ASAH2: variants seen among roughly 807,000 people sequenced by gnomAD.
The protein encoded by ASAH2 is neutral ceramidase.
In ASAH2, 58 loss-of-function variants were observed where a neutral mutation model predicts 82.9. That is an observed-to-expected ratio of 0.70 (90% CI 0.57 to 0.87). ASAH2 has a LOEUF of 0.87. Among genes scored for constraint, ASAH2 ranks in the 40% least tolerant of loss-of-function variants. The pLI is 0.00. For missense variants in ASAH2, 779 were observed against 834.0 expected (o/e 0.93, Z 0.81); for synonymous variants, 276 against 289.7 (o/e 0.95, Z 0.48).
intron 7 of ASAH2, among the ~76,000 whole-genome samples, chr10:50,228,596 A>AT (rs895674466): frequency 2.6e-5 from 4 of 152,164 alleles, no homozygotes; most frequent in Non-Finnish European, 4.4e-5. Context: ...CACAAATAGG[A>AT]TTTTTTTAAC....
intron 7 of ASAH2, among the ~76,000 whole-genome samples, chr10:50,232,396 A>G (rs1378209749): frequency 2.0e-5 from 3 of 152,104 alleles, no homozygotes; most frequent in African/African-American, 7.2e-5. Context: ...TAATAAGGAC[A>G]AGAGCCCAGA....
intron 16 of ASAH2, among the ~76,000 whole-genome samples, chr10:50,202,157 T>A (rs896011341): frequency 6.6e-6 from 1 of 152,206 alleles, no homozygotes; most frequent in African/African-American, 2.4e-5. Context: ...CTACTCTTAG[T>A]ATCACTGAAT....
chr10:50,203,047 T>A lies in ASAH2; in HGVS notation c.1666-123A>T, dbSNP rs926037256. ...GTTTAAGATATTTTTCTTAATAAAA[T>A]TTTTCTAACTCTGCACTACAGTTGG... On this transcript the variant is annotated intron_variant, in intron 15 of 20. Coordinates refer to ENST00000682911, the MANE Select transcript of ASAH2 (RefSeq NM_019893.4). 1.8e-3 allele frequency: 1,347 copies of A among 739,726 alleles called. 11 individuals are homozygous for A. In the African/African-American group the frequency reaches 0.021, roughly 11 times the overall value. 45.8% of individuals were successfully genotyped at this position (739,726 alleles called of 1,614,324 possible). A position where few individuals can be genotyped will look rare whatever the true frequency, so the allele number is the denominator to read the frequency against.
At chr10:50,223,583 T>A (rs1376426841) in intron 7 of ASAH2, among the ~76,000 whole-genome samples, 1 of 152,124 alleles carries the variant, frequency 6.6e-6, no homozygotes, top group African/African-American at 2.4e-5. Context: ...CATAGCAACA[T>A]GGGAGCTCTT....
At chr10:50,224,224 G>C (rs1845820417) in intron 7 of ASAH2, among the ~76,000 whole-genome samples, 1 of 152,012 alleles carries the variant, frequency 6.6e-6, no homozygotes, top group Non-Finnish European at 1.5e-5. Flanking sequence ...ATACATGTGA[G>C]GTGCTTAGCA....
At chr10:50,201,557 C>A (rs1384847893) in intron 16 of ASAH2, among the ~76,000 whole-genome samples, 1 of 152,078 alleles carries the variant, frequency 6.6e-6, no homozygotes, top group Non-Finnish European at 1.5e-5. Context: ...ACCCCTGTTG[C>A]ACATACTGCA....
intron 3 of ASAH2, among the ~76,000 whole-genome samples, chr10:50,244,892 T>C (rs1473142046): frequency 9.9e-5 from 15 of 151,860 alleles, no homozygotes; most frequent in Admixed American, 9.2e-4. Context: ...ACCCCCAAAC[T>C]GAGCATTCAC....
At chr10:50,221,448 C>A (rs1845740985) in intron 7 of ASAH2, among the ~76,000 whole-genome samples, 1 of 152,164 alleles carries the variant, frequency 6.6e-6, no homozygotes, top group South Asian at 2.1e-4. Flanking sequence ...CATTATTTAG[C>A]TCTTATTAGA....
intron 4 of ASAH2, among the ~76,000 whole-genome samples, chr10:50,239,675 C>T (rs1237207534): frequency 6.6e-6 from 1 of 151,972 alleles, no homozygotes; most frequent in African/African-American, 2.4e-5. Context: ...CTCAATCTGT[C>T]AAATGACATA....
intron 7 of ASAH2, among the ~76,000 whole-genome samples, chr10:50,226,904 G>A (rs1845900879): frequency 6.6e-6 from 1 of 152,082 alleles, no homozygotes; most frequent in South Asian, 2.1e-4. Flanking sequence ...TGGAATAAGA[G>A]CAATTGTTGT....
At chr10:50,248,059 C>G (rs1034881589) in intron 2 of ASAH2, among the ~76,000 whole-genome samples, 2 of 152,130 alleles carry the variant, frequency 1.3e-5, no homozygotes, top group African/African-American at 2.4e-5. Flanking sequence ...CGTTTGAGAC[C>G]CCTTTCTCTA....
In ASAH2 at chr10:50,218,633, G is replaced by A. The variant is rs543424218; in HGVS notation, c.894-3C>T. On this transcript the variant is annotated splice_region_variant and splice_polypyrimidine_tract_variant and intron_variant, in intron 7 of 20. Transcript: ENST00000682911. ...TGACCGGGTGGATGGCAAACCAGCT[G>A]TAAAAGAGCAAGAAGCTCTAAATTA... 4 of 1,613,634 alleles carry A rather than the reference G, an allele frequency of 2.5e-6. No individual in the cohort carries two copies. In the East Asian group the frequency reaches 6.7e-5, roughly 27 times the overall value.
chr10:50,238,911 G>A (rs1386399315), intron 4 of ASAH2, among the ~76,000 whole-genome samples: 5 of 151,992 alleles, frequency 3.3e-5, no homozygotes, highest in Non-Finnish European at 5.9e-5. Context: ...GACTTCTAGC[G>A]GGGAGAAAAA....
At chr10:50,238,073 C>T (rs1173667697) in intron 4 of ASAH2, among the ~76,000 whole-genome samples, 1 of 152,110 alleles carries the variant, frequency 6.6e-6, no homozygotes, top group Non-Finnish European at 1.5e-5. Context: ...ATTAAAAGCC[C>T]TCATTTGTAT....
rs765997085 is a variant in ASAH2, at chr10:50,234,444, G to A, written c.796C>T (p.Pro266Ser). The change falls in exon 6 of 21, where the codon CCG becomes TCG. Residue 266 changes from proline to serine, a missense_variant. Around this residue, in one of 3 missense-constraint regions of ASAH2, gnomAD observed 759 missense variants for 755.2 expected, o/e 1.00. Coordinates refer to ENST00000682911, the MANE Select transcript of ASAH2 (RefSeq NM_019893.4). ...CCTCACCTTGCTCTCTCTGACTGCG[G>A]ATTTTGAAGGTAAGAATACGGACTT... ...NRSPYSYLQN[P>S]QSERARYSSN... is the part of the protein sequence containing the mutation. The A allele has an allele frequency of 1.2e-6, 2 of 1,613,040 alleles. No homozygotes were observed. The highest frequency in any genetic ancestry group is 1.7e-6 in the Non-Finnish European group (2 of 1,179,244).
chr10:50,231,751 G>A (rs961961073), intron 7 of ASAH2, among the ~76,000 whole-genome samples: 2 of 152,142 alleles, frequency 1.3e-5, no homozygotes, highest in Admixed American at 1.3e-4. Flanking sequence ...GGAGTTTTTA[G>A]TGACTTCACT....
At chr10:50,202,665 T>G (rs1845183142) in intron 16 of ASAH2, among the ~76,000 whole-genome samples, 164 bp downstream of exon 16, 3 of 152,072 alleles carry the variant, frequency 2.0e-5, no homozygotes, top group Non-Finnish European at 4.4e-5. Flanking sequence ...TATTTGAAAC[T>G]CTTAAATACG....
intron 5 of ASAH2, among the ~76,000 whole-genome samples, chr10:50,234,956 C>T (rs890904350): frequency 1.3e-4 from 20 of 152,232 alleles, no homozygotes; most frequent in Middle Eastern, 3.4e-3. Flanking sequence ...CATTCTACCA[C>T]CAAGGCAGAG....
intron 14 of ASAH2, 64 bp from the exon 15 acceptor site, chr10:50,203,743 A>G: frequency 1.3e-6 from 2 of 1,483,690 alleles, no homozygotes; most frequent in Non-Finnish European, 1.9e-6. Context: ...ACACAGAAAC[A>G]CTGGCAGTGA....
Sources: gnomAD v4.1 joint callset for allele counts (sites outside exome capture counted in the v4.1 genomes callset) on GRCh38, gnomAD v4.1.1 for gene constraint, gnomAD v4.1.1 regional missense constraint, MANE v1.5 for transcripts, NCBI Gene and HGNC (gene_info 2026-07-23, HGNC 2026-07-21) for gene names.